ANK3: variants seen among roughly 807,000 people sequenced by gnomAD.
ANK3 encodes ankyrin 3, also known as ankyrin-3.
ANK3 carries 57 observed loss-of-function variants against 370.9 expected under a neutral mutation model. The observed-to-expected ratio is 0.15, with a 90% CI of 0.12 to 0.19. ANK3 has a LOEUF of 0.19. Ranked by LOEUF, ANK3 falls within the 10% of genes least tolerant of loss-of-function variation. The pLI, the probability that ANK3 is intolerant of heterozygous loss-of-function variation, is 1.00. For missense variants in ANK3, 4,439 were observed against 5,302.1 expected, an observed-to-expected ratio of 0.84 and a Z score of 5.06; for synonymous variants, 1,929 against 1,946.3, an observed-to-expected ratio of 0.99 and a Z score of 0.23.
At chr10:60,473,797 A>G (rs1174449873) in intron 2 of ANK3, among the ~76,000 whole-genome samples, 1 of 152,110 alleles carries the variant, frequency 6.6e-6, no homozygotes, top group Non-Finnish European at 1.5e-5. Flanking sequence ...TATGAAAACA[A>G]TGACATATGA....
intron 2 of ANK3, among the ~76,000 whole-genome samples, chr10:60,518,844 A>T (rs2076284356): frequency 6.6e-6 from 1 of 152,146 alleles, no homozygotes; most frequent in Non-Finnish European, 1.5e-5. Context: ...CTGGCTTGCG[A>T]TGCCTGAAGG....
chr10:60,335,687 C>G (rs2052658609), intron 1 of ANK3, among the ~76,000 whole-genome samples: 1 of 152,136 alleles, frequency 6.6e-6, no homozygotes, highest in Admixed American at 6.5e-5. Flanking sequence ...TAAAAACTAA[C>G]CTTAAAAATG....
chr10:60,673,883 A>G (rs1396127082), intron 1 of ANK3, among the ~76,000 whole-genome samples: 1 of 152,170 alleles, frequency 6.6e-6, no homozygotes. Flanking sequence ...TGAAATCAGC[A>G]TGATGCAAGG....
intron 1 of ANK3, among the ~76,000 whole-genome samples, chr10:60,632,710 G>A (rs2078500868): frequency 1.3e-5 from 2 of 152,096 alleles, no homozygotes; most frequent in African/African-American, 4.8e-5. Flanking sequence ...AACACAGTGA[G>A]AACCCACCTC....
In ANK3 at chr10:60,344,262, C is replaced by T. The variant is rs142122959; in HGVS notation, c.114+45163G>A. On this transcript the variant is annotated intron_variant, in intron 1 of 43. Transcript: ENST00000280772. ...GCATATTCCACATTAGTTAATGTTC[C>T]TAATTTCATATTCCATATTAATTCT... 8.3e-4 allele frequency among the ~76,000 whole-genome samples: 126 copies of T among 152,320 alleles called. 1 individual carries two copies. Among genetic ancestry groups the T allele is most frequent in the African/African-American group, 3.0e-3 (124 of 41,586 alleles).
intron 8 of ANK3, among the ~76,000 whole-genome samples, chr10:60,228,706 A>T (rs1245967319): frequency 6.6e-6 from 1 of 152,122 alleles, no homozygotes; most frequent in Non-Finnish European, 1.5e-5. Flanking sequence ...TATAGTTGAC[A>T]GCTATAGGGT....
chr10:60,263,276 T>C (rs16914677), intron 6 of ANK3, among the ~76,000 whole-genome samples: 11,860 of 152,138 alleles, frequency 0.078, 603 homozygotes, highest in South Asian at 0.17. Context: ...GAAAGCACAA[T>C]AGGCACAGAA....
intron 2 of ANK3, among the ~76,000 whole-genome samples, chr10:60,544,736 T>C (rs2076923536): frequency 6.6e-6 from 1 of 152,160 alleles, no homozygotes; most frequent in African/African-American, 2.4e-5. Context: ...GCTGTCTTGA[T>C]CATTTTGTTT....
In ANK3 at chr10:60,185,156, TA is replaced by T. The variant is rs1189648378; in HGVS notation, c.2085+1558del. Among the ~76,000 whole-genome samples the T allele has an allele frequency of 1.2e-4, 19 of 152,152 alleles. No individual in the cohort carries two copies. In the East Asian group the frequency reaches 3.7e-3, roughly 29 times the overall value. ...ATGTTTAACAAGAAAAAAATAAAAT[TA>T]AAAAAATGTGTTTGCTCTGTAATGA... On this transcript the variant is annotated intron_variant, in intron 17 of 43. Coordinates refer to ENST00000280772, the MANE Select transcript of ANK3 (RefSeq NM_020987.5).
At chr10:60,051,623 A>C in intron 42 of ANK3, 1 of 691,824 alleles carries the variant, frequency 1.4e-6, no homozygotes, top group Non-Finnish European at 1.8e-6. Flanking sequence ...CATTCTGAGA[A>C]GGGAAATCAA....
At chr10:60,419,854 A>AT (rs1426920514) in intron 2 of ANK3, among the ~76,000 whole-genome samples, 6 of 152,082 alleles carry the variant, frequency 3.9e-5, no homozygotes, top group Non-Finnish European at 2.9e-5. Flanking sequence ...TGTGGTAGTC[A>AT]TTTTTTTACA....
At chr10:60,393,103 T>C (rs559262262), upstream of ANK3, among the ~76,000 whole-genome samples, 42 of 152,348 alleles carry the variant, frequency 2.8e-4, no homozygotes, top group Middle Eastern at 3.4e-3. Context: ...ATCTTTCAAA[T>C]TTTTATTAGC....
intron 2 of ANK3, among the ~76,000 whole-genome samples, chr10:60,434,137 T>C (rs2064099250): frequency 6.6e-6 from 1 of 152,256 alleles, no homozygotes; most frequent in South Asian, 2.1e-4. Flanking sequence ...TCAAAACCTC[T>C]ATGGAATATC....
rs559028888 is a variant in ANK3, at chr10:60,621,234, G to A, written c.58-6010C>T. 9.2e-5 allele frequency among the ~76,000 whole-genome samples: 14 copies of A among 152,340 alleles called. No homozygotes were observed. The South Asian group carries it at 2.1e-3, about 23-fold the overall frequency. ...GCACCTGCCAAGATGTTGAAGAGAA[G>A]TGCCTACTGGAATGCAGCATTCTAA... On this transcript the variant is annotated intron_variant, in intron 1 of 43. Coordinates refer to the ANK3 transcript ENST00000373827.
intron 28 of ANK3, among the ~76,000 whole-genome samples, chr10:60,095,096 G>GT: frequency 6.6e-6 from 1 of 152,334 alleles, no homozygotes; most frequent in African/African-American, 2.4e-5. Context: ...GGCATCATGA[G>GT]TACCTTCCCC....
intron 16 of ANK3, among the ~76,000 whole-genome samples, chr10:60,193,062 C>T (rs142233472): frequency 6.6e-6 from 1 of 152,156 alleles, no homozygotes; most frequent in Non-Finnish European, 1.5e-5. Flanking sequence ...TGACCAGTAC[C>T]ACTGCCCTGA....
chr10:60,528,437 T>C (rs1326059266), intron 2 of ANK3, among the ~76,000 whole-genome samples: 3 of 152,038 alleles, frequency 2.0e-5, no homozygotes, highest in Non-Finnish European at 4.4e-5. Context: ...GGCCCTGCAA[T>C]GTTTTTGAAT....
At chr10:60,081,100 G>A (rs1161722841) in intron 35 of ANK3, among the ~76,000 whole-genome samples, 3 of 152,134 alleles carry the variant, frequency 2.0e-5, no homozygotes, top group South Asian at 2.1e-4. Flanking sequence ...GGGCAGAGGA[G>A]GGTAGGGACG....
At chr10:60,535,697 G>A (rs2076709227) in intron 2 of ANK3, among the ~76,000 whole-genome samples, 1 of 151,990 alleles carries the variant, frequency 6.6e-6, no homozygotes, top group African/African-American at 2.4e-5. Context: ...GCAAATATTG[G>A]TTCTGGGGTT....
Sources: allele counts gnomAD v4.1 joint callset (sites outside exome capture counted in the v4.1 genomes callset), GRCh38; gene constraint gnomAD v4.1.1; transcripts MANE v1.5; gene names NCBI Gene and HGNC (gene_info 2026-07-23, HGNC 2026-07-21).